CDK14: variants seen among roughly 807,000 people sequenced by gnomAD.
The protein encoded by CDK14 is cyclin dependent kinase 14.
In CDK14, 34 loss-of-function variants were observed where a neutral mutation model predicts 60.7. The ratio of observed to expected loss-of-function variants is 0.56; its 90% CI spans 0.43 to 0.75. The LOEUF is 0.75. Among genes scored for constraint, CDK14 ranks in the 30% least tolerant of loss-of-function variants. CDK14 has a pLI of 0.00. For synonymous variants in CDK14, 197 were observed against 203.7 expected, an observed-to-expected ratio of 0.97 and a Z score of 0.28; for missense variants, 482 against 564.1, an observed-to-expected ratio of 0.85 and a Z score of 1.47.
rs1240341885 is a variant in CDK14 at position 91,210,525 on chromosome 7, T to C, written c.*3389T>C. The stretch of plus-strand genomic sequence containing the variant: ...GTCTGTATTATGAAAGATGTAATGG[T>C]TTGTCAGCTGTCACTGTTGTTTTCT... On this transcript the variant is annotated 3_prime_UTR_variant, in exon 15 of 15. Transcript: ENST00000380050. 1 of 152,200 alleles carries C rather than the reference T, an allele frequency of 6.6e-6. No homozygotes were observed. The highest frequency in any genetic ancestry group is 1.5e-5 in the Non-Finnish European group (1 of 68,038). 9.4% of individuals were successfully genotyped at this position (152,200 alleles called of 1,614,324 possible). A position where few individuals can be genotyped will look rare whatever the true frequency, so the allele number is the denominator to read the frequency against.
chr7:90,722,127 C>T (rs1266137855), intron 2 of CDK14, among the ~76,000 whole-genome samples: 1 of 151,576 alleles, frequency 6.6e-6, no homozygotes, highest in Non-Finnish European at 1.5e-5. Context: ...CCTCTTCTCC[C>T]TTCTCCCCTC....
intron 2 of CDK14, among the ~76,000 whole-genome samples, chr7:90,724,726 A>G (rs2116702201): frequency 6.6e-6 from 1 of 151,790 alleles, no homozygotes; most frequent in Non-Finnish European, 1.5e-5. Flanking sequence ...TTTAGTTTCT[A>G]TTTTAAGTAA....
chr7:90,913,895 G>A (rs1439001732), intron 7 of CDK14, among the ~76,000 whole-genome samples: 2 of 152,128 alleles, frequency 1.3e-5, no homozygotes, highest in Non-Finnish European at 2.9e-5. Context: ...GGGCAGAGAC[G>A]GGGAGTGGGG....
intron 5 of CDK14, among the ~76,000 whole-genome samples, chr7:90,830,543 T>C (rs1789881803): frequency 6.6e-6 from 1 of 152,224 alleles, no homozygotes; most frequent in Non-Finnish European, 1.5e-5. Flanking sequence ...TTTTCCCCAT[T>C]GTCGTGGCTA....
At chr7:90,986,606 A>G (rs958061834) in intron 10 of CDK14, among the ~76,000 whole-genome samples, 5 of 152,038 alleles carry the variant, frequency 3.3e-5, no homozygotes, top group South Asian at 2.1e-4. Flanking sequence ...ATTATTTTAA[A>G]TAACTTTTTC....
chr7:90,970,877 A>G (rs1460337433), intron 9 of CDK14, among the ~76,000 whole-genome samples: 3 of 152,136 alleles, frequency 2.0e-5, no homozygotes, highest in Non-Finnish European at 4.4e-5. Flanking sequence ...CTGTTGCAGT[A>G]TCTTGTGTGT....
chr7:91,035,704 C>A (rs970788070), intron 10 of CDK14, among the ~76,000 whole-genome samples: 1 of 151,928 alleles, frequency 6.6e-6, no homozygotes, highest in Non-Finnish European at 1.5e-5. Flanking sequence ...TAAATGATTA[C>A]ATCTGTATGA....
At chr7:90,630,110 AC>A (rs1799961949) in intron 2 of CDK14, among the ~76,000 whole-genome samples, 1 of 152,126 alleles carries the variant, frequency 6.6e-6, no homozygotes, top group Admixed American at 6.6e-5. Flanking sequence ...ACCACAAAAA[AC>A]AAAACAAAAA....
intron 3 of CDK14, among the ~76,000 whole-genome samples, chr7:90,742,054 A>T (rs996877329): frequency 6.6e-6 from 1 of 152,006 alleles, no homozygotes; most frequent in Admixed American, 6.5e-5. Flanking sequence ...TTTTTAAAAT[A>T]TTTCTTAGAA....
At chr7:90,721,311 A>G (rs1468336053) in intron 2 of CDK14, among the ~76,000 whole-genome samples, 1 of 152,074 alleles carries the variant, frequency 6.6e-6, no homozygotes, top group Non-Finnish European at 1.5e-5. Flanking sequence ...AAAATCAACC[A>G]TATTGTATTA....
Position 90,877,735 on chromosome 7 carries a change from A to G in CDK14, c.639+14466A>G, listed in dbSNP as rs553851245. 5.9e-5 allele frequency among the ~76,000 whole-genome samples: 9 copies of G among 152,314 alleles called. No homozygotes were observed. In the South Asian group the frequency reaches 8.3e-4, roughly 14 times the overall value. On this transcript the variant is annotated intron_variant, in intron 6 of 14. Coordinates refer to ENST00000380050, the MANE Select transcript of CDK14 (RefSeq NM_001287135.2). ...AATCTAACAAGAAGATAAAAAGTCA[A>G]CAATACTATGGGAAAGCAATATGGG...
At chr7:90,971,367 T>G (rs1028378023) in intron 9 of CDK14, among the ~76,000 whole-genome samples, 13 of 152,130 alleles carry the variant, frequency 8.5e-5, no homozygotes, top group Admixed American at 7.2e-4. Flanking sequence ...AGTGAATGAT[T>G]AAGGGGATCA....
intron 14 of CDK14, among the ~76,000 whole-genome samples, chr7:91,152,163 T>C (rs1465895893): frequency 2.6e-5 from 4 of 152,200 alleles, no homozygotes; most frequent in South Asian, 4.1e-4. Context: ...TGAATCGTGG[T>C]ATGATCTTTT....
At chr7:90,661,871 T>C (rs1445272459) in intron 2 of CDK14, among the ~76,000 whole-genome samples, 2 of 97,946 alleles carry the variant, frequency 2.0e-5, no homozygotes, top group African/African-American at 8.5e-5. Context: ...GCCCTACCCA[T>C]GTAGCAAGGG....
At chr7:90,678,975 G>A (rs6964363) in intron 2 of CDK14, among the ~76,000 whole-genome samples, 25,565 of 152,050 alleles carry the variant, frequency 0.17, 2,243 homozygotes, top group East Asian at 0.19. Flanking sequence ...TTTGAGACAG[G>A]GTCTCACTCT....
chr7:91,084,698 C>T (rs971488890), intron 12 of CDK14, among the ~76,000 whole-genome samples: 7 of 152,208 alleles, frequency 4.6e-5, no homozygotes, highest in Non-Finnish European at 8.8e-5. Flanking sequence ...GTTGGACACG[C>T]GTTTTTTGAT....
intron 10 of CDK14, among the ~76,000 whole-genome samples, chr7:91,011,497 A>AT (rs1796158183): frequency 6.6e-6 from 1 of 152,120 alleles, no homozygotes; most frequent in Non-Finnish European, 1.5e-5. Flanking sequence ...ATTTTGGAAA[A>AT]TTTTAGGCTA....
At chr7:90,896,672 G>A (rs1412715641) in intron 6 of CDK14, among the ~76,000 whole-genome samples, 1 of 152,100 alleles carries the variant, frequency 6.6e-6, no homozygotes, top group African/African-American at 2.4e-5. Context: ...TGCAAATTGA[G>A]CAAAATAAAA....
intron 10 of CDK14, among the ~76,000 whole-genome samples, chr7:90,986,940 G>A (rs1795387450): frequency 6.6e-6 from 1 of 151,730 alleles, no homozygotes; most frequent in Non-Finnish European, 1.5e-5. Context: ...CTTTAAAAAG[G>A]GAATTATACT....
Sources: allele counts gnomAD v4.1 joint callset (sites outside exome capture counted in the v4.1 genomes callset), GRCh38; gene constraint gnomAD v4.1.1; transcripts MANE v1.5; gene names NCBI Gene and HGNC (gene_info 2026-07-23, HGNC 2026-07-21).